NCOA2: variants seen among roughly 807,000 people sequenced by gnomAD.
The protein encoded by NCOA2 is class E basic helix-loop-helix protein 75.
NCOA2 carries 21 observed loss-of-function variants against 145.1 expected under a neutral mutation model. The ratio of observed to expected loss-of-function variants is 0.14; its 90% confidence interval spans 0.10 to 0.21. The LOEUF (loss-of-function observed/expected upper bound fraction) is 0.21. Among genes scored for constraint, NCOA2 ranks in the 10% least tolerant of loss-of-function variants. The pLI is 1.00. For synonymous variants in NCOA2, 619 were observed against 637.5 expected, an observed-to-expected ratio of 0.97 and a Z score of 0.44; for missense variants, 1,472 against 1,837.6, an observed-to-expected ratio of 0.80 and a Z score of 3.64.
At chr8:70,378,325 T>C (rs1362291091) in intron 1 of NCOA2, among the ~76,000 whole-genome samples, 1 of 152,094 alleles carries the variant, frequency 6.6e-6, no homozygotes, top group East Asian at 1.9e-4. Flanking sequence ...TTAAATCTTT[T>C]ATATACTACA....
intron 2 of NCOA2, among the ~76,000 whole-genome samples, chr8:70,269,404 T>C (rs1824868398): frequency 6.6e-6 from 1 of 151,906 alleles, no homozygotes; most frequent in African/African-American, 2.4e-5. Flanking sequence ...AAATCTGGGA[T>C]AAGGACCAGG....
At chr8:70,302,361 T>G (rs1292256351) in intron 1 of NCOA2, among the ~76,000 whole-genome samples, 2 of 152,178 alleles carry the variant, frequency 1.3e-5, no homozygotes, top group Admixed American at 1.3e-4. Flanking sequence ...GAATAATTTA[T>G]AAATTGACTG....
At chr8:70,285,230 A>G (rs1183853516) in intron 2 of NCOA2, among the ~76,000 whole-genome samples, 1 of 152,266 alleles carries the variant, frequency 6.6e-6, no homozygotes, top group African/African-American at 2.4e-5. Flanking sequence ...TAAGAAAATT[A>G]AAAATCAACA....
At chr8:70,272,767 T>G (rs979323180) in intron 2 of NCOA2, among the ~76,000 whole-genome samples, 7 of 152,236 alleles carry the variant, frequency 4.6e-5, no homozygotes, top group Admixed American at 3.3e-4. Flanking sequence ...TTAGGCTGAA[T>G]GTTAATTTCC....
At chr8:70,415,081 T>C in the NCOA2 span, among the ~76,000 whole-genome samples, 3 of 152,156 alleles carry the variant, frequency 2.0e-5, no homozygotes, top group African/African-American at 7.2e-5. Context: ...GGTGGGAGGA[T>C]TGCTTGAGCC....
At chr8:70,314,435 A>G (rs1284142580) in intron 1 of NCOA2, among the ~76,000 whole-genome samples, 1 of 152,090 alleles carries the variant, frequency 6.6e-6, no homozygotes, top group Non-Finnish European at 1.5e-5. Context: ...AAACAATAAC[A>G]AACAGCATAT....
At chr8:70,178,037 T>A (rs568881576) in intron 4 of NCOA2, among the ~76,000 whole-genome samples, 2 of 152,336 alleles carry the variant, frequency 1.3e-5, no homozygotes, top group South Asian at 4.1e-4. Context: ...GGTATGATAA[T>A]CTTTCTGAGG....
chr8:70,120,790 T>G (rs1200392735), intron 22 of NCOA2, among the ~76,000 whole-genome samples: 2 of 152,004 alleles, frequency 1.3e-5, no homozygotes, highest in East Asian at 3.9e-4. Context: ...AATAGGCAAA[T>G]AACACAATAA....
chr8:70,249,572 C>A (rs538415022), intron 2 of NCOA2, among the ~76,000 whole-genome samples: 1 of 152,082 alleles, frequency 6.6e-6, no homozygotes, highest in Non-Finnish European at 1.5e-5. Flanking sequence ...AAGCAACTGG[C>A]CCAGTGCATA....
chr8:70,149,771 G>A (rs1390235233), intron 11 of NCOA2, among the ~76,000 whole-genome samples: 1 of 152,188 alleles, frequency 6.6e-6, no homozygotes, highest in African/African-American at 2.4e-5. Flanking sequence ...TTCTAGTGCA[G>A]AAAGTAGTAC....
intron 1 of NCOA2, among the ~76,000 whole-genome samples, chr8:70,389,435 C>T (rs1812982985): frequency 6.6e-6 from 1 of 150,844 alleles, no homozygotes; most frequent in Admixed American, 6.6e-5. Context: ...CATGCGCCAC[C>T]ACACCTGGCT....
intron 11 of NCOA2, among the ~76,000 whole-genome samples, chr8:70,152,735 C>G (rs528738032): frequency 1.3e-5 from 2 of 152,118 alleles, no homozygotes; most frequent in East Asian, 3.9e-4. Flanking sequence ...CCACTCTGCT[C>G]GGTAAAAAAT....
intron 14 of NCOA2, 145 bp from the exon 15 acceptor site, chr8:70,138,477 A>G: frequency 1.2e-6 from 1 of 817,078 alleles, no homozygotes; most frequent in Non-Finnish European, 1.8e-6. Context: ...TAAGAAGATA[A>G]AATTCTGATT....
the NCOA2 span, among the ~76,000 whole-genome samples, chr8:70,441,927 G>A: frequency 7.1e-6 from 1 of 141,110 alleles, no homozygotes; most frequent in African/African-American, 2.6e-5. Flanking sequence ...GTCACAGGTG[G>A]GAGAAGAAGA....
chr8:70,421,232 G>C, the NCOA2 span, among the ~76,000 whole-genome samples: 1 of 151,836 alleles, frequency 6.6e-6, no homozygotes, highest in Non-Finnish European at 1.5e-5. Flanking sequence ...CTTGAGAGGG[G>C]AAAAAAGAAT....
upstream of NCOA2, among the ~76,000 whole-genome samples, chr8:70,408,009 C>T (rs1180372969): frequency 1.3e-5 from 2 of 151,890 alleles, no homozygotes; most frequent in Non-Finnish European, 2.9e-5. Flanking sequence ...TGATATACCC[C>T]CTCTATTCAT....
chr8:70,145,153 TCTC>T (rs1388073433), intron 12 of NCOA2, among the ~76,000 whole-genome samples: 2 of 149,600 alleles, frequency 1.3e-5, no homozygotes, highest in African/African-American at 5.1e-5. Context: ...TCATTCATTC[TCTC>T]TCTCTCTTTT....
chr8:70,122,066 A>G (rs1807878989), intron 21 of NCOA2, among the ~76,000 whole-genome samples: 1 of 152,194 alleles, frequency 6.6e-6, no homozygotes, highest in Admixed American at 6.6e-5. Flanking sequence ...AAATGCATCA[A>G]TTCATTGCTG....
rs987849870 is a variant in NCOA2 at position 70,199,040 on chromosome 8, T to TA, written c.259+14862dup. Among the ~76,000 whole-genome samples the TA allele has an allele frequency of 1.8e-3, 277 of 152,132 alleles. 1 individual carries two copies. The highest frequency in any genetic ancestry group is 6.5e-3 in the African/African-American group (268 of 41,498). On this transcript the variant is annotated intron_variant, in intron 4 of 22. Coordinates refer to ENST00000452400, the MANE Select transcript of NCOA2 (RefSeq NM_006540.4). Reference sequence around the variant, plus strand: ...GATTTACCTTGACAGTCAGCACAAATACAAGCAATAGTTAAAACTCATTAA... The same window carrying TA: ...GATTTACCTTGACAGTCAGCACAAATAACAAGCAATAGTTAAAACTCATTAA...
Sources: gnomAD v4.1 joint callset for allele counts (sites outside exome capture counted in the v4.1 genomes callset) on GRCh38, gnomAD v4.1.1 for gene constraint, MANE v1.5 for transcripts, NCBI Gene and HGNC (gene_info 2026-07-23, HGNC 2026-07-21) for gene names.